The following UTRN variants were observed in gnomAD, a reference collection of about 807,000 sequenced individuals.
UTRN encodes the protein utrophin, also known as dystrophin-related protein 1.
A neutral mutation model predicts 463.9 loss-of-function variants in UTRN; 283 were observed. That is an observed-to-expected ratio of 0.61 (90% CI 0.55 to 0.67). UTRN has a LOEUF of 0.67. Among genes scored for constraint, UTRN ranks in the 30% least tolerant of loss-of-function variants. The pLI is 0.00. For missense variants in UTRN, 3,922 were observed against 4,084.3 expected (o/e 0.96, Z 1.08); for synonymous variants, 1,442 against 1,431.5 (o/e 1.01, Z -0.17).
At position 144,789,325 on chromosome 6, in the gene UTRN, A is replaced by G; in HGVS notation, c.8920+46A>G. ...ACCAACAGTGTTTTTAGTAATAATA[A>G]TGATTATAACAATTTATTGGAAACT... On this transcript the variant is annotated intron_variant, in intron 62 of 74. Transcript: ENST00000367545. The G allele has an allele frequency of 2.1e-6, 3 of 1,424,100 alleles. No homozygotes were observed. In the East Asian group the frequency reaches 6.9e-5, roughly 33 times the overall value. 88.2% of individuals were successfully genotyped at this position (1,424,100 alleles called of 1,614,324 possible). A position where few individuals can be genotyped will look rare whatever the true frequency, so the allele number is the denominator to read the frequency against.
At chr6:144,451,224 G>A (rs1013932773) in intron 17 of UTRN, 146 bp from the exon 18 acceptor site, 1 of 696,426 alleles carries the variant, frequency 1.4e-6, no homozygotes, top group Non-Finnish European at 2.3e-6. Flanking sequence ...ATCTCATTTT[G>A]CATGGTTACC....
At chr6:144,440,188 T>A (rs77812989) in intron 12 of UTRN, among the ~76,000 whole-genome samples, 164 bp from the exon 13 acceptor site, 572 of 152,354 alleles carry the variant, frequency 3.8e-3, no homozygotes, top group African/African-American at 0.012. Flanking sequence ...AATGTAAAGA[T>A]GTATAATAGG....
chr6:144,397,837 C>T (rs1420155136), intron 2 of UTRN: 2 of 152,552 alleles, frequency 1.3e-5, no homozygotes, highest in African/African-American at 4.8e-5. Context: ...ACCTGGTTCT[C>T]TCTGTGGCCC....
intron 58 of UTRN, 57 bp downstream of exon 58, chr6:144,758,046 C>A: frequency 6.8e-7 from 1 of 1,474,606 alleles, no homozygotes; most frequent in Non-Finnish European, 9.4e-7. Context: ...TTATTGATAA[C>A]TTAAGAGGCT....
intron 66 of UTRN, 92 bp downstream of exon 66, chr6:144,821,110 C>T: frequency 1.4e-6 from 2 of 1,411,500 alleles, no homozygotes; most frequent in South Asian, 1.5e-5. Context: ...TTGTTTAATA[C>T]CAACTGCATT....
chr6:144,631,233 GA>G (rs1487829681), intron 51 of UTRN, among the ~76,000 whole-genome samples: 1,811 of 123,606 alleles, frequency 0.015, 35 homozygotes, highest in African/African-American at 0.049. Flanking sequence ...GTGTGAGAGA[GA>G]GAGGTGTGTG....
chr6:144,592,765 T>C (rs13195928), intron 51 of UTRN, among the ~76,000 whole-genome samples: 24,368 of 152,208 alleles, frequency 0.16, 2,166 homozygotes, highest in South Asian at 0.28. Flanking sequence ...ATTTCTTGTA[T>C]CCTCACAGAC....
intron 53 of UTRN, 129 bp downstream of exon 53, chr6:144,700,372 T>G: frequency 1.9e-6 from 2 of 1,074,744 alleles, no homozygotes; most frequent in South Asian, 4.7e-5. Context: ...CACCGTCTGC[T>G]TTTAGTTGCC....
chr6:144,317,042 A>C lies in UTRN; in HGVS notation c.79+25135A>C, dbSNP rs143945575. Among the ~76,000 whole-genome samples, 774 of 152,292 alleles carry C rather than the reference A, an allele frequency of 5.1e-3. 3 individuals carry two copies. The highest frequency in any genetic ancestry group is 0.018 in the African/African-American group (732 of 41,556). On this transcript the variant is annotated intron_variant, in intron 2 of 74. Coordinates refer to ENST00000367545, the MANE Select transcript of UTRN (RefSeq NM_007124.3). ...TCCCTTTGGTAAACTTTGGATGCAT[A>C]TTTGTCTCAAAGTGTCATATTAGAC...
At chr6:144,682,882 T>A (rs1423037411) in intron 52 of UTRN, among the ~76,000 whole-genome samples, 1 of 152,206 alleles carries the variant, frequency 6.6e-6, no homozygotes, top group Non-Finnish European at 1.5e-5. Flanking sequence ...TGTTAGCTAT[T>A]ATTATTCTCA....
At chr6:144,845,088 A>G (rs1401117636) in intron 73 of UTRN, among the ~76,000 whole-genome samples, 3 of 152,206 alleles carry the variant, frequency 2.0e-5, no homozygotes, top group South Asian at 2.1e-4. Flanking sequence ...TTAATATCCC[A>G]GTTGGTCCTG....
chr6:144,823,371 G>A (rs1237541295), intron 66 of UTRN, among the ~76,000 whole-genome samples: 1 of 151,926 alleles, frequency 6.6e-6, no homozygotes, highest in Non-Finnish European at 1.5e-5. Flanking sequence ...TTAATCTTCT[G>A]GTGTAACAAT....
At chr6:144,754,988 G>T (rs1791833622) in intron 57 of UTRN, among the ~76,000 whole-genome samples, 190 bp downstream of exon 57, 1 of 152,118 alleles carries the variant, frequency 6.6e-6, no homozygotes, top group African/African-American at 2.4e-5. Context: ...CAACTGAGAA[G>T]TCTTCAAGGT....
At chr6:144,335,251 GTT>G (rs1776630272) in intron 2 of UTRN, among the ~76,000 whole-genome samples, 1 of 152,222 alleles carries the variant, frequency 6.6e-6, no homozygotes, top group African/African-American at 2.4e-5. Context: ...GGAATGGCTT[GTT>G]GACCACTGTC....
chr6:144,329,323 C>T (rs943645340), intron 2 of UTRN, among the ~76,000 whole-genome samples: 14 of 152,078 alleles, frequency 9.2e-5, no homozygotes, highest in East Asian at 1.9e-4. Flanking sequence ...CCTTGTGATC[C>T]GCCTGCCTCG....
At chr6:144,773,016 T>G (rs1428886328) in intron 59 of UTRN, among the ~76,000 whole-genome samples, 1 of 151,978 alleles carries the variant, frequency 6.6e-6, no homozygotes, top group African/African-American at 2.4e-5. Context: ...CTGCAAAAGT[T>G]GGACAAACAA....
chr6:144,302,830 C>T (rs77141891), intron 2 of UTRN, among the ~76,000 whole-genome samples: 126 of 152,226 alleles, frequency 8.3e-4, no homozygotes, highest in African/African-American at 3.0e-3. Context: ...TAAGAGGCAA[C>T]GCTGTGGACA....
At chr6:144,527,558 A>T (rs1796673684) in intron 41 of UTRN, among the ~76,000 whole-genome samples, 1 of 152,192 alleles carries the variant, frequency 6.6e-6, no homozygotes, top group Admixed American at 6.5e-5. Context: ...CAAAGCCGGG[A>T]GGTTTTCCTC....
intron 52 of UTRN, among the ~76,000 whole-genome samples, chr6:144,691,749 T>C (rs1173892065): frequency 6.6e-6 from 1 of 152,182 alleles, no homozygotes; most frequent in Non-Finnish European, 1.5e-5. Context: ...AAGTGAAAAA[T>C]GGTAACATTG....
Sources: allele counts gnomAD v4.1 joint callset (sites outside exome capture counted in the v4.1 genomes callset), GRCh38; gene constraint gnomAD v4.1.1; transcripts MANE v1.5; gene names NCBI Gene and HGNC (gene_info 2026-07-23, HGNC 2026-07-21).